Variants in SYNPR observed in about 807,000 individuals in gnomAD.
SYNPR encodes the protein synaptoporin.
A neutral mutation model predicts 32.9 loss-of-function variants in SYNPR; 23 were observed. The observed-to-expected ratio is 0.70, with a 90% CI of 0.50 to 0.99. The LOEUF (loss-of-function observed/expected upper bound fraction) is 0.99. Among genes scored for constraint, SYNPR ranks in the 50% least tolerant of loss-of-function variants. The pLI is 0.00. For missense variants in SYNPR, 318 were observed against 349.3 expected, an observed-to-expected ratio of 0.91 and a Z score of 0.71; for synonymous variants, 146 against 135.9, an observed-to-expected ratio of 1.07 and a Z score of -0.52.
intron 2 of SYNPR, among the ~76,000 whole-genome samples, chr3:63,318,664 T>C (rs143645293): frequency 6.6e-6 from 1 of 152,178 alleles, no homozygotes; most frequent in East Asian, 1.9e-4. Flanking sequence ...TCACTTCTTG[T>C]ATCATTTTTT....
intron 2 of SYNPR, among the ~76,000 whole-genome samples, chr3:63,297,737 G>C (rs898599789): frequency 1.3e-5 from 2 of 152,136 alleles, no homozygotes; most frequent in East Asian, 3.9e-4. Context: ...TTGGTGGGCA[G>C]GGGGCTAGGG....
chr3:63,357,174 G>T (rs1168177357), intron 2 of SYNPR, among the ~76,000 whole-genome samples: 1 of 152,136 alleles, frequency 6.6e-6, no homozygotes, highest in Non-Finnish European at 1.5e-5. Flanking sequence ...GGGCCCATTT[G>T]CTATCCCTGT....
chr3:63,440,118 T>C (rs1169485611), intron 2 of SYNPR, among the ~76,000 whole-genome samples: 1 of 152,138 alleles, frequency 6.6e-6, no homozygotes, highest in Admixed American at 6.5e-5. Flanking sequence ...GAAAGATGTT[T>C]TTAGGTTAGG....
chr3:63,417,953 T>A (rs533828859), intron 2 of SYNPR, among the ~76,000 whole-genome samples: 1 of 152,352 alleles, frequency 6.6e-6, no homozygotes, highest in South Asian at 2.1e-4. Context: ...CTACACTGTC[T>A]TGGTGATTAA....
At chr3:63,565,639 C>T (rs1169962686) in intron 4 of SYNPR, among the ~76,000 whole-genome samples, 1 of 152,134 alleles carries the variant, frequency 6.6e-6, no homozygotes, top group African/African-American at 2.4e-5. Context: ...AAATTCAAAT[C>T]CTAGCATTCT....
At chr3:63,464,980 G>T (rs981476776) in intron 2 of SYNPR, among the ~76,000 whole-genome samples, 1 of 152,122 alleles carries the variant, frequency 6.6e-6, no homozygotes, top group Non-Finnish European at 1.5e-5. Context: ...TTATGTCTAT[G>T]CTCATTAGTG....
chr3:63,379,545 A>G (rs1354300116), intron 2 of SYNPR, among the ~76,000 whole-genome samples: 1 of 152,030 alleles, frequency 6.6e-6, no homozygotes, highest in Non-Finnish European at 1.5e-5. Context: ...GTCTTCTTGG[A>G]TTAAACTCTT....
chr3:63,563,068 G>A (rs1303886469), intron 4 of SYNPR, among the ~76,000 whole-genome samples: 1 of 152,088 alleles, frequency 6.6e-6, no homozygotes, highest in East Asian at 1.9e-4. Flanking sequence ...CCATTACTGG[G>A]TAGTTCCTTA....
intron 3 of SYNPR, among the ~76,000 whole-genome samples, chr3:63,555,219 G>A (rs6803000): frequency 0.029 from 4,078 of 140,650 alleles, 172 homozygotes; most frequent in African/African-American, 0.087. Flanking sequence ...TTGCCTGAGC[G>A]CTCTGGCTAG....
At chr3:63,420,505 G>GA (rs909659309) in intron 2 of SYNPR, among the ~76,000 whole-genome samples, 7 of 151,646 alleles carry the variant, frequency 4.6e-5, no homozygotes, top group South Asian at 4.2e-4. Context: ...TTTCTTTATA[G>GA]AAAAAAAATT....
intron 4 of SYNPR, among the ~76,000 whole-genome samples, chr3:63,575,914 C>T (rs868172081): frequency 6.6e-6 from 1 of 152,088 alleles, no homozygotes; most frequent in South Asian, 2.1e-4. Flanking sequence ...AAAACTAAAC[C>T]AACTGTTTAT....
chr3:63,581,081 C>T (rs1159931884), intron 4 of SYNPR, among the ~76,000 whole-genome samples: 1 of 152,094 alleles, frequency 6.6e-6, no homozygotes, highest in African/African-American at 2.4e-5. Flanking sequence ...CACTCTACTG[C>T]CTTTGTAAAG....
intron 2 of SYNPR, among the ~76,000 whole-genome samples, chr3:63,351,943 AAGATGCTAGGATCGGC>A (rs2087515775): frequency 6.6e-6 from 1 of 152,210 alleles, no homozygotes; most frequent in Admixed American, 6.5e-5. Context: ...GAGAACTGCT[AAGATGCTAGGATCGGC>A]AGCATGGGTG....
chr3:63,351,644 T>C (rs1290505109), intron 2 of SYNPR: 1 of 152,196 alleles, frequency 6.6e-6, no homozygotes, highest in Non-Finnish European at 1.5e-5. Context: ...TTTATTACTC[T>C]CAGACTGCTT....
chr3:63,293,556 G>C (rs2106933217), intron 2 of SYNPR, among the ~76,000 whole-genome samples: 1 of 152,224 alleles, frequency 6.6e-6, no homozygotes, highest in East Asian at 1.9e-4. Flanking sequence ...ATTTGCTAGA[G>C]ACTTACAAAC....
upstream of SYNPR, among the ~76,000 whole-genome samples, chr3:63,275,622 G>A (rs945256839): frequency 2.0e-5 from 3 of 152,088 alleles, no homozygotes. Flanking sequence ...TTTTAAATAA[G>A]TCTCTTTCCC....
chr3:63,444,550 T>C (rs1412423044), intron 2 of SYNPR, among the ~76,000 whole-genome samples: 2 of 152,216 alleles, frequency 1.3e-5, no homozygotes, highest in Non-Finnish European at 2.9e-5. Context: ...AGACGAGGTC[T>C]GACTATACAT....
chr3:63,518,951 T>G (rs1701852628), intron 3 of SYNPR, among the ~76,000 whole-genome samples: 1 of 152,168 alleles, frequency 6.6e-6, no homozygotes, highest in Non-Finnish European at 1.5e-5. Flanking sequence ...ACCTAGTTTG[T>G]TGAGGGTTTT....
intron 2 of SYNPR, among the ~76,000 whole-genome samples, chr3:63,259,187 A>G (rs1341596346): frequency 2.0e-5 from 3 of 152,182 alleles, no homozygotes; most frequent in Non-Finnish European, 4.4e-5. Context: ...ATTCCAACCA[A>G]CAGAAAAAGA....
Sources: gnomAD v4.1 joint callset for allele counts (sites outside exome capture counted in the v4.1 genomes callset) on GRCh38, gnomAD v4.1.1 for gene constraint, MANE v1.5 for transcripts, NCBI Gene and HGNC (gene_info 2026-07-23, HGNC 2026-07-21) for gene names.